The following FAT1 variants were observed in gnomAD, a reference collection of about 807,000 sequenced individuals.
FAT1 encodes protocadherin Fat 1.
A neutral mutation model predicts 329.8 loss-of-function variants in FAT1; 171 were observed. The ratio of observed to expected loss-of-function variants is 0.52; its 90% confidence interval spans 0.46 to 0.59. The LOEUF (loss-of-function observed/expected upper bound fraction) is 0.59. FAT1 is among the 20% of genes least tolerant of loss of function. The pLI is 0.00. For missense variants in FAT1, 5,672 were observed against 5,774.4 expected (o/e 0.98, Z 0.57); for synonymous variants, 2,233 against 2,228.6 (o/e 1.00, Z -0.06).
rs1009993575 is a variant in FAT1 at position 186,605,990 on chromosome 4, A to T, written c.10350+80T>A. 5 of 1,325,514 alleles carry T rather than the reference A, an allele frequency of 3.8e-6. No homozygotes were observed. The Admixed American group carries it at 1.1e-4, about 29-fold the overall frequency. The allele number at this position is 1,325,514 out of a possible 1,614,324, so 82.1% of individuals were successfully genotyped here. A position where few individuals can be genotyped will look rare whatever the true frequency, so the allele number is the denominator to read the frequency against. On this transcript the variant is annotated intron_variant, in intron 17 of 26. Transcript: ENST00000441802. ...CATTTTTCTAGAAAGAAACCTTTGG[A>T]TAAGAAAGAAAAGCAACAGAGGCCA...
chr4:186,594,690 A>G (rs1378688337), intron 26 of FAT1, among the ~76,000 whole-genome samples: 1 of 144,618 alleles, frequency 6.9e-6, no homozygotes, highest in African/African-American at 2.5e-5. Flanking sequence ...ATATATATAT[A>G]TATATATATA....
chr4:186,637,321 C>A (rs1740881420), intron 4 of FAT1, among the ~76,000 whole-genome samples: 1 of 152,208 alleles, frequency 6.6e-6, no homozygotes, highest in Non-Finnish European at 1.5e-5. Context: ...AAACAACACA[C>A]TCTACATACT....
At position 186,636,582 on chromosome 4, in the gene FAT1, C is replaced by T. The variant is rs2126562449; in HGVS notation, c.3972+3G>A. 6.2e-7 allele frequency: 1 copy of T among 1,600,208 alleles called. No individual in the cohort carries two copies. Among genetic ancestry groups the T allele is most frequent in the Non-Finnish European group, 8.5e-7 (1 of 1,173,454 alleles). Reference sequence around the variant, plus strand: ...AAATTACAGTACTACAATCTTAACTCACTGAAAGAATATCATATTCTCCAG... The same window carrying T: ...AAATTACAGTACTACAATCTTAACTTACTGAAAGAATATCATATTCTCCAG... On this transcript the variant is annotated splice_donor_region_variant and intron_variant, in intron 5 of 26. Coordinates refer to ENST00000441802, the MANE Select transcript of FAT1 (RefSeq NM_005245.4).
intron 2 of FAT1, among the ~76,000 whole-genome samples, chr4:186,696,435 G>C (rs1035814960): frequency 6.6e-6 from 1 of 152,056 alleles, no homozygotes; most frequent in South Asian, 2.1e-4. Flanking sequence ...GCAACAAATC[G>C]AAAGAAGAGG....
intron 16 of FAT1, among the ~76,000 whole-genome samples, chr4:186,606,570 T>C (rs1361010989): frequency 6.6e-6 from 1 of 152,144 alleles, no homozygotes; most frequent in Non-Finnish European, 1.5e-5. Flanking sequence ...TTCGGTAAGA[T>C]GGGAGCAGCC....
At chr4:186,709,944 C>T (rs1478485400) in intron 1 of FAT1, 99 bp from the exon 2 acceptor site, 2 of 1,094,140 alleles carry the variant, frequency 1.8e-6, no homozygotes, top group African/African-American at 1.6e-5. Context: ...ATTTTCCATA[C>T]ACATGGAATA....
chr4:186,621,492 C>T lies in FAT1; in HGVS notation c.5094G>A (p.Val1698=), dbSNP rs191514972. 4 of 1,614,032 alleles carry T rather than the reference C, an allele frequency of 2.5e-6. No individual in the cohort carries two copies. The highest frequency in any genetic ancestry group is 2.7e-5 in the African/African-American group (2 of 75,062). ...CTGTATTTCCATCTTTTATTTCATA[C>T]ACCACTGATGATTGACTATGGGCTG... ...MVTAHSQSSV[V]YEIKDGNTGD... The change falls in exon 10 of 27, where the codon GTG becomes GTA. Residue 1698 remains valine, a synonymous_variant. Transcript: ENST00000441802.
chr4:186,639,909 A>AG (rs1488935704), intron 3 of FAT1, 126 bp from the exon 4 acceptor site: 6 of 722,190 alleles, frequency 8.3e-6, no homozygotes, highest in East Asian at 2.6e-5. Context: ...TGGGAGGCCC[A>AG]GGGGGGTGGA....
At chr4:186,668,547 C>T (rs914520658) in intron 2 of FAT1, among the ~76,000 whole-genome samples, 6 of 152,178 alleles carry the variant, frequency 3.9e-5, no homozygotes, top group South Asian at 2.1e-4. Context: ...GGGTTCATCA[C>T]GATCCAAACC....
At chr4:186,692,323 A>ATTTAT (rs1743813650) in intron 2 of FAT1, among the ~76,000 whole-genome samples, 1 of 151,656 alleles carries the variant, frequency 6.6e-6, no homozygotes, top group African/African-American at 2.4e-5. Flanking sequence ...TTATTTATTT[A>ATTTAT]TTTTTTTGAG....
chr4:186,590,230 A>G, intron 26 of FAT1: 1 of 381,680 alleles, frequency 2.6e-6, no homozygotes, highest in South Asian at 2.1e-5. Context: ...TTCAAATGCA[A>G]TGCGCACACA....
chr4:186,610,424 T>C (rs578225495), intron 14 of FAT1, among the ~76,000 whole-genome samples: 39 of 151,894 alleles, frequency 2.6e-4, no homozygotes, highest in Non-Finnish European at 4.1e-4. Flanking sequence ...AATATTTTCC[T>C]TCTCATATTT....
At chr4:186,681,221 T>G (rs1743191195) in intron 2 of FAT1, among the ~76,000 whole-genome samples, 1 of 152,210 alleles carries the variant, frequency 6.6e-6, no homozygotes, top group Admixed American at 6.5e-5. Flanking sequence ...CTTTGGCAAT[T>G]TATTATACCT....
At chr4:186,632,605 A>T (rs1310780093) in intron 7 of FAT1, among the ~76,000 whole-genome samples, 1 of 152,252 alleles carries the variant, frequency 6.6e-6, no homozygotes, top group Admixed American at 6.5e-5. Context: ...CCAAAAGCAT[A>T]TAACATACAT....
rs375994752 is a variant in FAT1 at position 186,597,119 on chromosome 4, G to A, written c.12421C>T (p.Leu4141Phe). The change falls in exon 25 of 27, where the codon CTC (leucine) becomes TTC (phenylalanine). Residue 4141 changes from leucine to phenylalanine, a missense_variant. Around this residue, in one of 2 missense-constraint regions of FAT1, gnomAD observed 1,706 missense variants for 1,859.1 expected, o/e 0.92. Transcript: ENST00000441802. ...TAGGAGCCGTGCGTGTTCTCACAGA[G>A]GGCCCCGTGCAGGCAAGGGTTTCCA... is the stretch of plus-strand genomic sequence containing the variant. ...CSGNPCLHGA[L>F]CENTHGSYHC... The A allele has an allele frequency of 6.2e-7, 1 of 1,613,896 alleles. No individual in the cohort carries two copies.
chr4:186,617,332 T>C (rs1739761529), intron 10 of FAT1, 131 bp from the exon 11 acceptor site: 8 of 694,086 alleles, frequency 1.2e-5, no homozygotes, highest in Non-Finnish European at 1.8e-5. Context: ...AAGAATTAAT[T>C]TGGCATATAT....
At chr4:186,591,717 C>T (rs1738247069) in intron 26 of FAT1, among the ~76,000 whole-genome samples, 1 of 152,228 alleles carries the variant, frequency 6.6e-6, no homozygotes, top group African/African-American at 2.4e-5. Context: ...AAACATGGTA[C>T]TTCTTAGGAA....
chr4:186,721,908 G>A (rs1745484536), intron 1 of FAT1, among the ~76,000 whole-genome samples: 2 of 151,706 alleles, frequency 1.3e-5, no homozygotes, highest in South Asian at 2.1e-4. Flanking sequence ...GCACGATCTC[G>A]GCTTACCACA....
At chr4:186,666,185 TAAA>T (rs34266165) in intron 2 of FAT1, among the ~76,000 whole-genome samples, 6,185 of 149,994 alleles carry the variant, frequency 0.041, 189 homozygotes, top group East Asian at 0.13. Flanking sequence ...TAAAGGATAG[TAAA>T]AAAAAAAAAA....
Sources: gnomAD v4.1 joint callset for allele counts (sites outside exome capture counted in the v4.1 genomes callset) on GRCh38, gnomAD v4.1.1 for gene constraint, gnomAD v4.1.1 regional missense constraint, MANE v1.5 for transcripts, NCBI Gene and HGNC (gene_info 2026-07-23, HGNC 2026-07-21) for gene names.